POU2F1: variants seen among roughly 807,000 people sequenced by gnomAD.
The protein encoded by POU2F1 is POU domain, class 2, transcription factor 1.
Under a neutral mutation model 84.9 loss-of-function variants are expected in POU2F1, and 16 were observed. That is an observed-to-expected ratio of 0.19 (90% CI 0.13 to 0.29). The LOEUF (loss-of-function observed/expected upper bound fraction) is 0.29. Ranked by LOEUF, POU2F1 falls within the 10% of genes least tolerant of loss-of-function variation. The probability of loss-of-function intolerance (pLI) is 1.00; values close to 1 mark genes in which losing one functional copy is unlikely to be tolerated. For synonymous variants in POU2F1, 368 were observed against 368.3 expected, an observed-to-expected ratio of 1.00 and a Z score of 0.01; for missense variants, 738 against 942.6, an observed-to-expected ratio of 0.78 and a Z score of 2.84.
intron 8 of POU2F1, 123 bp downstream of exon 8, chr1:167,384,074 A>G: frequency 2.6e-6 from 2 of 763,816 alleles, no homozygotes; most frequent in Admixed American, 6.6e-5. Flanking sequence ...CTGACCAGAA[A>G]ATCAAAGCTA....
chr1:167,307,032 C>G (rs1456848176), intron 1 of POU2F1, among the ~76,000 whole-genome samples: 1 of 152,114 alleles, frequency 6.6e-6, no homozygotes, highest in East Asian at 1.9e-4. Flanking sequence ...TTTAAAAGAA[C>G]ATGACAATAT....
chr1:167,315,964 A>C (rs1004883183), intron 1 of POU2F1, among the ~76,000 whole-genome samples: 5 of 152,230 alleles, frequency 3.3e-5, no homozygotes, highest in African/African-American at 1.2e-4. Context: ...AAAAAATGCC[A>C]ATCTCAAATG....
intron 8 of POU2F1, among the ~76,000 whole-genome samples, chr1:167,384,430 A>G (rs1232312197): frequency 6.6e-6 from 1 of 152,178 alleles, no homozygotes; most frequent in Non-Finnish European, 1.5e-5. Flanking sequence ...TTAGACATAT[A>G]AAGGTTTAAA....
chr1:167,277,529 G>C (rs1329965089), intron 1 of POU2F1, among the ~76,000 whole-genome samples: 3 of 150,230 alleles, frequency 2.0e-5, no homozygotes, highest in South Asian at 2.1e-4. Flanking sequence ...GCCTAGGCCA[G>C]TCTTGAACTC....
rs1365142303 is a variant in POU2F1 at position 167,421,222 on chromosome 1, A to G, written c.*5412A>G. ...AAAAATCCTCTTTGCTATTTCTGTAAGAAGAATAACTGAGATCAGCTATTA... is the reference window on the plus strand; with the variant it reads ...AAAAATCCTCTTTGCTATTTCTGTAGGAAGAATAACTGAGATCAGCTATTA... On this transcript the variant is annotated 3_prime_UTR_variant, in exon 16 of 16. Transcript: ENST00000367866. The G allele has an allele frequency of 2.6e-5, 4 of 152,236 alleles. No individual in the cohort carries two copies. Among genetic ancestry groups the G allele is most frequent in the African/African-American group, 7.2e-5 (3 of 41,468 alleles). The allele number at this position is 152,236 out of a possible 1,614,324, so 9.4% of individuals were successfully genotyped here.
chr1:167,394,088 G>A (rs1401746761), intron 9 of POU2F1, among the ~76,000 whole-genome samples: 5 of 151,202 alleles, frequency 3.3e-5, no homozygotes, highest in Non-Finnish European at 5.9e-5. Context: ...GCATGATCTC[G>A]GCTCACTGCA....
intron 1 of POU2F1, among the ~76,000 whole-genome samples, chr1:167,321,089 C>T (rs1287819578): frequency 6.6e-6 from 1 of 152,114 alleles, no homozygotes; most frequent in Non-Finnish European, 1.5e-5. Context: ...ATTAAACCAG[C>T]ATGAAAAATC....
At chr1:167,282,035 G>T (rs1653177919) in intron 1 of POU2F1, among the ~76,000 whole-genome samples, 1 of 151,832 alleles carries the variant, frequency 6.6e-6, no homozygotes, top group Admixed American at 6.6e-5. Context: ...TTTAATTCTA[G>T]CTCCTACTCT....
At chr1:167,348,209 T>C (rs1308816371) in intron 2 of POU2F1, among the ~76,000 whole-genome samples, 1 of 152,204 alleles carries the variant, frequency 6.6e-6, no homozygotes, top group Non-Finnish European at 1.5e-5. Context: ...GTTAGTATAC[T>C]GAATACTGTA....
chr1:167,378,644 G>C (rs562040951), intron 7 of POU2F1, among the ~76,000 whole-genome samples: 1 of 151,520 alleles, frequency 6.6e-6, no homozygotes, highest in Non-Finnish European at 1.5e-5. Flanking sequence ...GATCTCGGGT[G>C]ATCCGCCCAC....
intron 1 of POU2F1, among the ~76,000 whole-genome samples, chr1:167,264,667 T>G (rs1651813812): frequency 6.6e-6 from 1 of 152,202 alleles, no homozygotes; most frequent in Non-Finnish European, 1.5e-5. Context: ...CTCATTTGAA[T>G]TAGCTAGTCT....
intron 7 of POU2F1, among the ~76,000 whole-genome samples, chr1:167,383,140 A>AT (rs1647690432): frequency 6.6e-6 from 1 of 152,196 alleles, no homozygotes; most frequent in Admixed American, 6.5e-5. Flanking sequence ...TAGCAACAGC[A>AT]TTTTATCTGA....
chr1:167,355,966 G>T (rs1433318550), intron 2 of POU2F1, among the ~76,000 whole-genome samples: 1 of 150,964 alleles, frequency 6.6e-6, no homozygotes, highest in East Asian at 1.9e-4. Flanking sequence ...ATTATTTTTT[G>T]AGACAGGGTC....
intron 5 of POU2F1, among the ~76,000 whole-genome samples, chr1:167,372,362 A>T (rs1458866507): frequency 6.6e-6 from 1 of 152,242 alleles, no homozygotes; most frequent in East Asian, 1.9e-4. Context: ...TGAAAATGGC[A>T]GTTATCCATT....
intron 1 of POU2F1, among the ~76,000 whole-genome samples, chr1:167,321,179 T>A (rs546273664): frequency 5.3e-5 from 8 of 152,344 alleles, no homozygotes; most frequent in African/African-American, 1.9e-4. Context: ...ATATAATGAA[T>A]AATGTAACAC....
At chr1:167,340,019 T>C (rs1052142278) in intron 2 of POU2F1, among the ~76,000 whole-genome samples, 9 of 152,222 alleles carry the variant, frequency 5.9e-5, no homozygotes, top group African/African-American at 2.2e-4. Context: ...AATAAGGAAG[T>C]TGAGGCTCAG....
At chr1:167,407,339 G>A (rs138948096) in intron 13 of POU2F1, among the ~76,000 whole-genome samples, 14 of 152,232 alleles carry the variant, frequency 9.2e-5, no homozygotes, top group Admixed American at 2.0e-4. Context: ...CTTCCAGCTT[G>A]ATTTATAGAT....
rs139934176 is a variant in POU2F1 at position 167,231,917 on chromosome 1, A to G, written c.61+10959A>G. 2.6e-4 allele frequency among the ~76,000 whole-genome samples: 39 copies of G among 152,320 alleles called. No individual in the cohort carries two copies. The East Asian group carries it at 6.5e-3, about 26-fold the overall frequency. On this transcript the variant is annotated intron_variant, in intron 1 of 15. Coordinates refer to ENST00000367866, the MANE Select transcript of POU2F1 (RefSeq NM_002697.4). ...GTTCTGAGCAAAGGGAACACTATGCAGACATCTCAGACATCCCTCATTATA... is the reference window on the plus strand; with the variant it reads ...GTTCTGAGCAAAGGGAACACTATGCGGACATCTCAGACATCCCTCATTATA...
At chr1:167,262,922 G>A (rs1651675998) in intron 1 of POU2F1, among the ~76,000 whole-genome samples, 1 of 152,154 alleles carries the variant, frequency 6.6e-6, no homozygotes. Context: ...ATAAATTGGG[G>A]CCAGTTTATG....
Sources: gnomAD v4.1 joint callset for allele counts (sites outside exome capture counted in the v4.1 genomes callset) on GRCh38, gnomAD v4.1.1 for gene constraint, MANE v1.5 for transcripts, NCBI Gene and HGNC (gene_info 2026-07-23, HGNC 2026-07-21) for gene names.